CPQ: variants seen among roughly 807,000 people sequenced by gnomAD.
CPQ encodes Ser-Met dipeptidase.
In CPQ, 37 loss-of-function variants were observed where a neutral mutation model predicts 45.7. The ratio of observed to expected loss-of-function variants is 0.81; its 90% CI spans 0.62 to 1.07. The LOEUF (loss-of-function observed/expected upper bound fraction) is 1.07. Ranked by LOEUF, CPQ falls within the 50% of genes least tolerant of loss-of-function variation. The probability of loss-of-function intolerance (pLI) is 0.00; values close to 1 mark genes in which losing one functional copy is unlikely to be tolerated. For missense variants in CPQ, 537 were observed against 572.9 expected (o/e 0.94, Z 0.64); for synonymous variants, 186 against 205.8 (o/e 0.90, Z 0.82).
intron 4 of CPQ, among the ~76,000 whole-genome samples, chr8:96,882,035 A>G (rs1770513885): frequency 6.6e-6 from 1 of 152,218 alleles, no homozygotes; most frequent in African/African-American, 2.4e-5. Context: ...GAGTGATGGC[A>G]TTTGGTGATG....
chr8:96,689,798 A>G (rs1180458359), intron 1 of CPQ, among the ~76,000 whole-genome samples: 1 of 152,138 alleles, frequency 6.6e-6, no homozygotes, highest in Non-Finnish European at 1.5e-5. Context: ...GCTAACATCA[A>G]GTGTAATTGA....
chr8:97,135,206 G>A (rs1283359278), intron 7 of CPQ, among the ~76,000 whole-genome samples: 1 of 152,190 alleles, frequency 6.6e-6, no homozygotes, highest in Non-Finnish European at 1.5e-5. Flanking sequence ...TGGGTAGCTT[G>A]AGAGTTAGAA....
At chr8:96,708,812 T>C (rs1023278963) in intron 1 of CPQ, among the ~76,000 whole-genome samples, 1 of 152,108 alleles carries the variant, frequency 6.6e-6, no homozygotes, top group Non-Finnish European at 1.5e-5. Flanking sequence ...GAGTTACGTA[T>C]CTCAATAAAT....
chr8:97,101,578 T>C (rs1000142399), intron 7 of CPQ, among the ~76,000 whole-genome samples: 14 of 146,726 alleles, frequency 9.5e-5, no homozygotes, highest in Admixed American at 9.5e-4. Context: ...TTTTCTTTTT[T>C]TTTTTTTTTT....
chr8:96,975,011 A>T (rs981074797), intron 5 of CPQ, among the ~76,000 whole-genome samples: 1 of 152,126 alleles, frequency 6.6e-6, no homozygotes, highest in Non-Finnish European at 1.5e-5. Context: ...GACGAAGATC[A>T]GAGCAGAACT....
chr8:96,838,449 C>T (rs1051872710), intron 3 of CPQ, among the ~76,000 whole-genome samples: 4 of 152,114 alleles, frequency 2.6e-5, no homozygotes, highest in Non-Finnish European at 5.9e-5. Context: ...GGGAGATTTT[C>T]CATGGTTATC....
At chr8:96,865,598 A>G (rs1300036011) in intron 3 of CPQ, among the ~76,000 whole-genome samples, 1 of 152,038 alleles carries the variant, frequency 6.6e-6, no homozygotes, top group Non-Finnish European at 1.5e-5. Context: ...CTTGCCTCTT[A>G]TGCTGAGCTT....
intron 4 of CPQ, among the ~76,000 whole-genome samples, chr8:96,925,714 G>A (rs1248560759): frequency 1.3e-4 from 18 of 136,650 alleles, no homozygotes; most frequent in Non-Finnish European, 2.6e-4. Context: ...TTTTTGAGAC[G>A]GAGTCTTGCT....
At chr8:96,974,247 A>C (rs1450676211) in intron 5 of CPQ, among the ~76,000 whole-genome samples, 2 of 152,198 alleles carry the variant, frequency 1.3e-5, no homozygotes, top group African/African-American at 2.4e-5. Flanking sequence ...AACAAACTTT[A>C]AATCAACAGC....
At chr8:97,002,504 T>G (rs1809302802) in intron 5 of CPQ, among the ~76,000 whole-genome samples, 1 of 152,232 alleles carries the variant, frequency 6.6e-6, no homozygotes, top group Non-Finnish European at 1.5e-5. Context: ...GATTTCTGCC[T>G]TAATTTCATT....
At chr8:96,775,128 C>T (rs187082544) in intron 1 of CPQ, among the ~76,000 whole-genome samples, 28 of 152,170 alleles carry the variant, frequency 1.8e-4, no homozygotes, top group Non-Finnish European at 3.5e-4. Context: ...AACTGGGTCA[C>T]GAGGCCTCCT....
chr8:96,973,307 C>T (rs1490339755), intron 5 of CPQ, among the ~76,000 whole-genome samples: 2 of 151,938 alleles, frequency 1.3e-5, no homozygotes, highest in African/African-American at 4.8e-5. Flanking sequence ...TTAACCTAAT[C>T]TGTCAAAGAC....
intron 7 of CPQ, 109 bp from the exon 8 acceptor site, chr8:97,142,911 C>T (rs1812191497): frequency 3.2e-6 from 3 of 924,800 alleles, no homozygotes; most frequent in Admixed American, 5.1e-5. Flanking sequence ...AATTATTTTG[C>T]TATTGCAGAC....
rs1171986923 is a variant in CPQ, at chr8:97,036,163, C to T, written c.1053+6669C>T. On this transcript the variant is annotated intron_variant, in intron 6 of 7. Transcript: ENST00000220763. ...TGGCAAGAGGAGGACATAGAAATGC[C>T]GTCCTGCTCATAACCACGGCCGACT... is the stretch of plus-strand genomic sequence containing the variant. 3.3e-5 allele frequency among the ~76,000 whole-genome samples: 5 copies of T among 151,950 alleles called. No individual in the cohort carries two copies. In the East Asian group the frequency reaches 5.8e-4, roughly 18 times the overall value.
At chr8:97,123,158 A>AAAATAAAATAAAATAAATT (rs1563587285) in intron 7 of CPQ, among the ~76,000 whole-genome samples, 1 of 120,574 alleles carries the variant, frequency 8.3e-6, no homozygotes, top group East Asian at 2.8e-4. Flanking sequence ...TAAATAAAAT[A>AAAATAAAATAAAATAAATT]AAATAAAATA....
At position 96,785,021 on chromosome 8, in the gene CPQ, A is replaced by T; in HGVS notation, c.124A>T (p.Ser42Cys). 1 of 1,613,844 alleles carries T rather than the reference A, an allele frequency of 6.2e-7. No homozygotes were observed. Among genetic ancestry groups the T allele is most frequent in the Non-Finnish European group, 8.5e-7 (1 of 1,179,808 alleles). The change falls in exon 2 of 8, where the codon AGC (serine) becomes TGC (cysteine). Residue 42 changes from serine (S) to cysteine (C), a missense_variant. By Grantham distance (112) the Ser-to-Cys change is moderately radical. Coordinates refer to ENST00000220763, the MANE Select transcript of CPQ (RefSeq NM_016134.4). ...TGAAGAAATAAAAGAAGAAATAGCCAGCTGTGGAGATGTTGCTAAAGCAAT... is the reference window on the plus strand; with the variant it reads ...TGAAGAAATAAAAGAAGAAATAGCCTGCTGTGGAGATGTTGCTAAAGCAAT... ...TFEEIKEEIA[S>C]CGDVAKAIIN...
intron 5 of CPQ, among the ~76,000 whole-genome samples, chr8:96,976,269 A>AAAAAAAAAAAAAAAAAAAAAC (rs1813782171): frequency 6.7e-6 from 1 of 148,688 alleles, no homozygotes. Context: ...AAAAAAAAAA[A>AAAAAAAAAAAAAAAAAAAAAC]AAACCTTAGG....
chr8:97,018,547 A>C (rs749711012), intron 5 of CPQ, among the ~76,000 whole-genome samples: 2 of 152,236 alleles, frequency 1.3e-5, no homozygotes, highest in Admixed American at 1.3e-4. Flanking sequence ...AATAAAAAAC[A>C]ATCAAAACTT....
chr8:96,697,776 T>A, intron 1 of CPQ, among the ~76,000 whole-genome samples: 1 of 151,912 alleles, frequency 6.6e-6, no homozygotes, highest in African/African-American at 2.4e-5. Context: ...CAAATAAAAT[T>A]AAATACCTAG....
Sources: gnomAD v4.1 joint callset for allele counts (sites outside exome capture counted in the v4.1 genomes callset) on GRCh38, gnomAD v4.1.1 for gene constraint, MANE v1.5 for transcripts, NCBI Gene and HGNC (gene_info 2026-07-23, HGNC 2026-07-21) for gene names.